The following PARG variants were observed in gnomAD, a reference collection of about 807,000 sequenced individuals.
PARG encodes the protein mitochondrial poly(ADP-ribose) glycohydrolase.
A neutral mutation model predicts 113.0 loss-of-function variants in PARG; 35 were observed. The ratio of observed to expected loss-of-function variants is 0.31; its 90% CI spans 0.24 to 0.41. The LOEUF (loss-of-function observed/expected upper bound fraction) is 0.41, where lower values mean the gene tolerates loss of function less well. Among genes scored for constraint, PARG ranks in the 10% least tolerant of loss-of-function variants. The pLI is 1.00. For synonymous variants in PARG, 330 were observed against 409.9 expected (o/e 0.81, Z 2.36); for missense variants, 797 against 1,169.4 (o/e 0.68, Z 4.64).
At chr10:49,832,099 T>C (rs1409975063) in intron 16 of PARG, among the ~76,000 whole-genome samples, 1 of 152,268 alleles carries the variant, frequency 6.6e-6, no homozygotes, top group Non-Finnish European at 1.5e-5. Context: ...TTATTTTCTA[T>C]AACTGATACT....
intron 10 of PARG, 127 bp from the exon 11 acceptor site, chr10:49,865,508 T>A: frequency 2.3e-6 from 1 of 434,284 alleles, no homozygotes; most frequent in Admixed American, 3.3e-5. Context: ...AGGTCTAACA[T>A]TGGCTATAAA....
chr10:49,886,126 T>C (rs1847465177), intron 7 of PARG, among the ~76,000 whole-genome samples: 1 of 152,226 alleles, frequency 6.6e-6, no homozygotes, highest in Admixed American at 6.5e-5. Flanking sequence ...CTTGTCACTA[T>C]TACAGAGAAA....
chr10:49,829,204 C>A (rs1844527632), intron 16 of PARG, among the ~76,000 whole-genome samples: 1 of 152,040 alleles, frequency 6.6e-6, no homozygotes, highest in Non-Finnish European at 1.5e-5. Context: ...CCACTGCATT[C>A]CAGCCTGGGC....
At chr10:49,903,164 C>T (rs1218533132) in intron 7 of PARG, among the ~76,000 whole-genome samples, 2 of 152,018 alleles carry the variant, frequency 1.3e-5, no homozygotes, top group Admixed American at 6.5e-5. Context: ...GTGGTATGGA[C>T]CTACAGTCCC....
chr10:49,866,427 A>G (rs1221418955), intron 10 of PARG, among the ~76,000 whole-genome samples: 1 of 151,992 alleles, frequency 6.6e-6, no homozygotes, highest in African/African-American at 2.4e-5. Flanking sequence ...GTAGAAAACA[A>G]ATTTTTTTGT....
intron 7 of PARG, among the ~76,000 whole-genome samples, chr10:49,886,644 A>G (rs1264318604): frequency 6.6e-6 from 1 of 152,224 alleles, no homozygotes; most frequent in African/African-American, 2.4e-5. Context: ...CACAGCCCAT[A>G]TATGAATAGT....
intron 2 of PARG, among the ~76,000 whole-genome samples, chr10:49,934,848 CAA>C (rs1227382933): frequency 3.1e-5 from 4 of 129,078 alleles, no homozygotes; most frequent in Non-Finnish European, 1.7e-5. Flanking sequence ...GACTCCATCT[CAA>C]AAAAAAAAAA....
intron 7 of PARG, among the ~76,000 whole-genome samples, chr10:49,886,008 A>C (rs1847459830): frequency 6.6e-6 from 1 of 152,090 alleles, no homozygotes; most frequent in African/African-American, 2.4e-5. Flanking sequence ...AAATGACAAC[A>C]CTCTTAATTT....
chr10:49,938,601 A>AT (rs1160217365), intron 1 of PARG, among the ~76,000 whole-genome samples: 27 of 148,560 alleles, frequency 1.8e-4, no homozygotes, highest in South Asian at 6.5e-4. Context: ...AGGTTTGCAG[A>AT]TTTTTTTTTT....
At chr10:49,940,797 G>A (rs1241820084) in intron 1 of PARG, among the ~76,000 whole-genome samples, 1 of 151,984 alleles carries the variant, frequency 6.6e-6, no homozygotes, top group African/African-American at 2.4e-5. Context: ...CAAAGCTCAG[G>A]GATTACAGGC....
chr10:49,914,837 A>G (rs1588982772), intron 7 of PARG, among the ~76,000 whole-genome samples: 1 of 152,242 alleles, frequency 6.6e-6, no homozygotes, highest in South Asian at 2.1e-4. Flanking sequence ...AACACGGGAT[A>G]GAAGAGTCTT....
intron 7 of PARG, among the ~76,000 whole-genome samples, chr10:49,889,781 T>C (rs1486069051): frequency 6.6e-6 from 1 of 152,242 alleles, no homozygotes; most frequent in East Asian, 1.9e-4. Context: ...TGACAAGCTT[T>C]ACAATGTTGC....
intron 4 of PARG, among the ~76,000 whole-genome samples, chr10:49,931,674 A>T (rs1367389571): frequency 2.0e-5 from 3 of 150,246 alleles, no homozygotes; most frequent in Admixed American, 6.6e-5. Flanking sequence ...TTGAGTAATA[A>T]GAAAACTCTG....
chr10:49,915,852 T>C (rs1837442598), intron 7 of PARG, 65 bp downstream of exon 7: 2 of 835,104 alleles, frequency 2.4e-6, no homozygotes, highest in Admixed American at 2.1e-5. Flanking sequence ...ATTATGGGTA[T>C]TCTTCTCAAA....
In PARG at chr10:49,922,558, C is replaced by A. The variant is rs782395359; in HGVS notation, c.1567G>T (p.Val523Leu). 3 of 1,611,232 alleles carry A rather than the reference C, an allele frequency of 1.9e-6. No homozygotes were observed. The highest frequency in any genetic ancestry group is 3.3e-5 in the Admixed American group (2 of 59,906). ...MPCSEQNLYP[V>L]EDENGERTAG... ...GGTTTTGTTCTTACCTCATCTTCCA[C>A]TGGGTACAAATTTTGTTCTGAACAA... Residue 523 changes from valine to leucine, a missense_variant, in exon 5 of 18, where the codon GTG becomes TTG. Transcript: ENST00000616448.
chr10:49,832,872 C>G lies in PARG; in HGVS notation c.2578G>C (p.Glu860Gln), dbSNP rs755643753. The G allele has an allele frequency of 2.6e-6, 4 of 1,550,614 alleles. No homozygotes were observed. Among genetic ancestry groups the G allele is most frequent in the Admixed American group, 2.0e-5 (1 of 50,978 alleles). ...CGFLRPGVSS[E>Q]NLSAVATGNW... ...CCTGTGGCCACTGCAGAAAGATTCT[C>G]TGAAGAAACTCCAGGACGGAGAAAT... The change falls in exon 16 of 18, where the codon GAG becomes CAG. Residue 860 changes from glutamate to glutamine, a missense_variant. By Grantham distance (29) the Glu-to-Gln change is conservative (BLOSUM62 2). Coordinates refer to ENST00000616448, the MANE Select transcript of PARG (RefSeq NM_003631.5).
At chr10:49,903,482 A>T (rs1317679784) in intron 7 of PARG, among the ~76,000 whole-genome samples, 1 of 152,008 alleles carries the variant, frequency 6.6e-6, no homozygotes, top group Non-Finnish European at 1.5e-5. Flanking sequence ...TCAGTTCAAG[A>T]AACATTAACT....
chr10:49,822,294 C>T (rs1588855909), intron 16 of PARG, among the ~76,000 whole-genome samples: 1 of 151,840 alleles, frequency 6.6e-6, no homozygotes, highest in African/African-American at 2.4e-5. Context: ...CTAAAAGGGC[C>T]AAAAGGGAGA....
chr10:49,886,936 A>ACAGGTAT (rs1847521601), intron 7 of PARG, among the ~76,000 whole-genome samples: 1 of 152,210 alleles, frequency 6.6e-6, no homozygotes, highest in Non-Finnish European at 1.5e-5. Context: ...CTACTATTTT[A>ACAGGTAT]CAGGTATGCA....
Sources: allele counts gnomAD v4.1 joint callset (sites outside exome capture counted in the v4.1 genomes callset), GRCh38; gene constraint gnomAD v4.1.1; transcripts MANE v1.5; gene names NCBI Gene and HGNC (gene_info 2026-07-23, HGNC 2026-07-21).